PTPRM: variants seen among roughly 807,000 people sequenced by gnomAD.
The protein encoded by PTPRM is protein tyrosine phosphatase receptor type M.
PTPRM carries 47 observed loss-of-function variants against 186.7 expected under a neutral mutation model. The observed-to-expected ratio is 0.25, with a 90% CI of 0.20 to 0.32. The LOEUF is 0.32. PTPRM is among the 10% of genes least tolerant of loss of function. The pLI is 1.00. For synonymous variants in PTPRM, 668 were observed against 674.9 expected, an observed-to-expected ratio of 0.99 and a Z score of 0.16; for missense variants, 1,494 against 1,865.0, an observed-to-expected ratio of 0.80 and a Z score of 3.66.
chr18:7,804,705 A>C (rs2044148326), intron 2 of PTPRM, among the ~76,000 whole-genome samples: 1 of 152,238 alleles, frequency 6.6e-6, no homozygotes, highest in Non-Finnish European at 1.5e-5. Flanking sequence ...CGAAAGTGGA[A>C]ATATTTAATT....
At chr18:8,360,431 T>G (rs1056075475) in intron 23 of PTPRM, among the ~76,000 whole-genome samples, 1 of 152,154 alleles carries the variant, frequency 6.6e-6, no homozygotes, top group African/African-American at 2.4e-5. Flanking sequence ...AAGAAGATAG[T>G]GTGTCAGTTG....
At chr18:7,752,872 T>C (rs1181516765) in intron 1 of PTPRM, among the ~76,000 whole-genome samples, 1 of 152,224 alleles carries the variant, frequency 6.6e-6, no homozygotes, top group Non-Finnish European at 1.5e-5. Flanking sequence ...TTTCTAAGTT[T>C]ATTAGTTACT....
At chr18:7,571,100 G>A (rs531782094) in intron 1 of PTPRM, among the ~76,000 whole-genome samples, 25 of 151,816 alleles carry the variant, frequency 1.6e-4, no homozygotes, top group African/African-American at 3.9e-4. Flanking sequence ...CACCACCACC[G>A]CCAGCTAATT....
intron 1 of PTPRM, chr18:7,747,737 G>GATTATGTCCTCATCTCAACGA (rs1324406423): frequency 1.3e-5 from 2 of 152,112 alleles, no homozygotes; most frequent in African/African-American, 4.8e-5. Context: ...CACCCTACTT[G>GATTATGTCCTCATCTCAACGA]ATTATGTCCT....
intron 7 of PTPRM, among the ~76,000 whole-genome samples, chr18:7,996,975 A>G (rs2083577472): frequency 6.6e-6 from 1 of 152,138 alleles, no homozygotes; most frequent in Admixed American, 6.6e-5. Context: ...ACCTAAAGCA[A>G]TCCATAGATT....
At chr18:8,308,895 G>A (rs2095246897) in intron 20 of PTPRM, among the ~76,000 whole-genome samples, 1 of 152,224 alleles carries the variant, frequency 6.6e-6, no homozygotes, top group Non-Finnish European at 1.5e-5. Context: ...GTACTGGTGA[G>A]CACAGATATA....
At chr18:7,661,982 A>G (rs2038990705) in intron 1 of PTPRM, among the ~76,000 whole-genome samples, 2 of 152,204 alleles carry the variant, frequency 1.3e-5, no homozygotes, top group Admixed American at 6.5e-5. Context: ...CAGTGGTACA[A>G]TCACAGCTCA....
chr18:8,039,141 T>C (rs540306668), intron 7 of PTPRM, among the ~76,000 whole-genome samples: 5 of 152,290 alleles, frequency 3.3e-5, no homozygotes, highest in Non-Finnish European at 7.4e-5. Context: ...CCTTTGAAAG[T>C]TAATAAAATG....
chr18:8,175,356 A>G (rs1001333541), intron 14 of PTPRM, among the ~76,000 whole-genome samples: 4 of 152,232 alleles, frequency 2.6e-5, no homozygotes, highest in African/African-American at 9.6e-5. Context: ...ACTGGAGTGA[A>G]TAAATATTCA....
chr18:8,205,345 C>G (rs62091287), intron 14 of PTPRM, among the ~76,000 whole-genome samples: 2 of 151,874 alleles, frequency 1.3e-5, no homozygotes, highest in African/African-American at 4.8e-5. Flanking sequence ...CCCTATTATC[C>G]CTACATACAG....
At chr18:8,371,370 G>A (rs2095661708) in intron 24 of PTPRM, among the ~76,000 whole-genome samples, 1 of 152,192 alleles carries the variant, frequency 6.6e-6, no homozygotes, top group African/African-American at 2.4e-5. Flanking sequence ...CCTTCATGGT[G>A]TATGTCGATA....
chr18:7,649,851 A>G (rs2038654463), intron 1 of PTPRM, among the ~76,000 whole-genome samples: 1 of 128,458 alleles, frequency 7.8e-6, no homozygotes, highest in African/African-American at 4.5e-5. Context: ...ACCTTCCACC[A>G]CAAAAAAAAT....
At chr18:7,927,647 C>A (rs558947782) in intron 5 of PTPRM, among the ~76,000 whole-genome samples, 1 of 152,090 alleles carries the variant, frequency 6.6e-6, no homozygotes, top group Non-Finnish European at 1.5e-5. Context: ...TGTCATGCCT[C>A]GCAGTGTAAT....
At chr18:8,179,167 C>T (rs139851742) in intron 14 of PTPRM, among the ~76,000 whole-genome samples, 140 of 152,284 alleles carry the variant, frequency 9.2e-4, no homozygotes, top group Non-Finnish European at 1.6e-3. Context: ...TGTCCTGCTG[C>T]GAAAGAAGTC....
chr18:7,658,327 AATTTAT>A (rs1176399282), intron 1 of PTPRM, among the ~76,000 whole-genome samples: 2 of 97,694 alleles, frequency 2.0e-5, no homozygotes, highest in African/African-American at 1.3e-4. Context: ...AATTAAAGTA[AATTTAT>A]ATATATATAT....
At chr18:8,235,506 A>G (rs928845447) in intron 14 of PTPRM, among the ~76,000 whole-genome samples, 11 of 89,198 alleles carry the variant, frequency 1.2e-4, no homozygotes, top group African/African-American at 4.9e-4. Flanking sequence ...TATCAATTTT[A>G]CTAATCTTTT....
chr18:7,775,765 A>C (rs1392063135), intron 2 of PTPRM, among the ~76,000 whole-genome samples: 1 of 152,220 alleles, frequency 6.6e-6, no homozygotes, highest in Non-Finnish European at 1.5e-5. Context: ...ACTTGACTTG[A>C]AAAAATCAGC....
intron 1 of PTPRM, among the ~76,000 whole-genome samples, chr18:7,712,338 C>T (rs1381777868): frequency 5.9e-5 from 9 of 152,158 alleles, no homozygotes; most frequent in African/African-American, 1.9e-4. Flanking sequence ...GACATCCACT[C>T]AGAAACCCCA....
chr18:8,039,894 T>A (rs766520229), intron 7 of PTPRM, among the ~76,000 whole-genome samples: 29 of 152,278 alleles, frequency 1.9e-4, no homozygotes, highest in Non-Finnish European at 3.8e-4. Flanking sequence ...AAGGACCTTT[T>A]CATATGCATG....
Sources: gnomAD v4.1 joint callset for allele counts (sites outside exome capture counted in the v4.1 genomes callset) on GRCh38, gnomAD v4.1.1 for gene constraint, MANE v1.5 for transcripts, NCBI Gene and HGNC (gene_info 2026-07-23, HGNC 2026-07-21) for gene names.